Variants in SHANK1 observed in about 807,000 individuals in gnomAD.
The protein encoded by SHANK1 is SH3 and multiple ankyrin repeat domains protein 1.
A neutral mutation model predicts 165.6 loss-of-function variants in SHANK1; 35 were observed. The ratio of observed to expected loss-of-function variants is 0.21; its 90% confidence interval spans 0.16 to 0.28. The LOEUF is 0.28. SHANK1 is among the 10% of genes least tolerant of loss of function. The pLI, the probability that SHANK1 is intolerant of heterozygous loss-of-function variation, is 1.00. For synonymous variants in SHANK1, 1,428 were observed against 1,384.8 expected (o/e 1.03, Z -0.69); for missense variants, 2,681 against 3,036.4 (o/e 0.88, Z 2.75).
chr19:50,667,201 C>A lies in SHANK1; in HGVS notation c.4759G>T (p.Gly1587Trp). Residue 1587 changes from glycine to tryptophan, a missense_variant, in exon 23 of 24, where the codon GGG becomes TGG. Gly to Trp is a radical substitution (Grantham distance 184, BLOSUM62 -2). Around this residue, in one of 10 missense-constraint regions of SHANK1, gnomAD observed 1,713 missense variants for 1,630.2 expected, o/e 1.05. Transcript: ENST00000293441. This position sits in a 1 kb window ranked among gnomAD's most constrained non-coding sequence, Gnocchi z 5.7. ...GTGTCGGGCAGCGGGTGGGGAGGCC[C>A]AGGCGTGAGGGGCGACTCTGGCTTT... ...FEKPESPLTP[G>W]PPHPLPDTPA... The A allele has an allele frequency of 6.3e-7, 1 of 1,575,784 alleles. No individual in the cohort carries two copies. Among genetic ancestry groups the A allele is most frequent in the Non-Finnish European group, 8.6e-7 (1 of 1,168,436 alleles).
In SHANK1 at chr19:50,661,359, C is replaced by T. The variant is rs1345784543; in HGVS notation, c.*606G>A. On this transcript the variant is annotated 3_prime_UTR_variant, in exon 24 of 24. Transcript: ENST00000293441. The stretch of plus-strand genomic sequence containing the variant: ...AGTGTATTTGAGCGGGCCTCGCCAG[C>T]CAGAAGCAAAGGCAGAATGTGCAAG... Among the ~76,000 whole-genome samples the T allele has an allele frequency of 1.3e-5, 2 of 152,024 alleles. No individual in the cohort carries two copies. Among genetic ancestry groups the T allele is most frequent in the African/African-American group, 4.8e-5 (2 of 41,374 alleles).
chr19:50,687,062 A>G, intron 19 of SHANK1: 1 of 1,436,708 alleles, frequency 7.0e-7, no homozygotes, highest in South Asian at 1.6e-5. Context: ...GAGAGGCAGT[A>G]GAGGAGCCAA....
Position 50,687,919 on chromosome 19 carries a change from G to C in SHANK1, c.2308+4C>G. ...GGTGGCTGCGAGAGTGGCCGCAGGA[G>C]CACCTTTCTTGTGCACTGCCTCATC... On this transcript the variant is annotated splice_donor_region_variant and intron_variant, in intron 18 of 23. Transcript: ENST00000293441. The C allele has an allele frequency of 1.2e-6, 2 of 1,613,938 alleles. No homozygotes were observed. The highest frequency in any genetic ancestry group is 1.7e-6 in the Non-Finnish European group (2 of 1,179,920).
chr19:50,676,596 C>G (rs1985993158), intron 21 of SHANK1, among the ~76,000 whole-genome samples: 1 of 152,156 alleles, frequency 6.6e-6, no homozygotes, highest in East Asian at 1.9e-4. Context: ...GCTCCAAGGT[C>G]TCCTCTCTGG....
Position 50,697,037 on chromosome 19 carries a change from C to CA in SHANK1, c.1964+58_1964+59insT. The CA allele has an allele frequency of 2.1e-6, 3 of 1,455,992 alleles. No individual in the cohort carries two copies. Among genetic ancestry groups the CA allele is most frequent in the Middle Eastern group, 3.5e-4 (2 of 5,716 alleles). 90.2% of individuals were successfully genotyped at this position (1,455,992 alleles called of 1,614,324 possible). On this transcript the variant is annotated intron_variant, in intron 15 of 23. Transcript: ENST00000293441. This position sits in a 1 kb window ranked among gnomAD's most constrained non-coding sequence, Gnocchi z 4.7. ...GTCGTGCACACACGTTCACACGCCC[C>CA]CCAGGCACCCCGTCCTTCCCCTCCT... is the stretch of plus-strand genomic sequence containing the variant.
At chr19:50,687,232 C>T (rs1391152387) in intron 19 of SHANK1, among the ~76,000 whole-genome samples, 2 of 151,616 alleles carry the variant, frequency 1.3e-5, no homozygotes, top group Non-Finnish European at 2.9e-5. Flanking sequence ...GGCTCGCTTT[C>T]CTCTGTTATT....
Position 50,686,736 on chromosome 19 carries a change from C to G in SHANK1, c.2458+8G>C. The G allele has an allele frequency of 6.2e-7, 1 of 1,613,142 alleles. No individual in the cohort carries two copies. Among genetic ancestry groups the G allele is most frequent in the Non-Finnish European group, 8.5e-7 (1 of 1,179,442 alleles). Reference sequence around the variant, plus strand: ...GGCATCCCGAGGAGCAGGGCTGGGCCGTCTTACTGAGAGCCATCTGATACA... The same window carrying G: ...GGCATCCCGAGGAGCAGGGCTGGGCGGTCTTACTGAGAGCCATCTGATACA... On this transcript the variant is annotated splice_region_variant and intron_variant, in intron 20 of 23. Coordinates refer to ENST00000293441, the MANE Select transcript of SHANK1 (RefSeq NM_016148.5). This position sits in a 1 kb window ranked among gnomAD's most constrained non-coding sequence, Gnocchi z 5.7.
At chr19:50,681,127 C>G (rs940843608) in intron 21 of SHANK1, among the ~76,000 whole-genome samples, 7 of 151,902 alleles carry the variant, frequency 4.6e-5, no homozygotes, top group Admixed American at 4.6e-4. Context: ...ACACCGAGAA[C>G]AAGACCAGAC....
chr19:50,710,937 T>G (rs1293815225), intron 8 of SHANK1: 1 of 165,524 alleles, frequency 6.0e-6, no homozygotes, highest in Non-Finnish European at 1.3e-5. Context: ...TCTTTTCTAC[T>G]CCTGCTCATC....
At chr19:50,671,823 C>G (rs1985803674) in intron 22 of SHANK1, among the ~76,000 whole-genome samples, 195 bp downstream of exon 22, 1 of 152,166 alleles carries the variant, frequency 6.6e-6, no homozygotes, top group Non-Finnish European at 1.5e-5. Context: ...TGCCCCAGTT[C>G]ACACAGCTGG....
intron 8 of SHANK1, among the ~76,000 whole-genome samples, chr19:50,705,535 G>A (rs143158587): frequency 1.5e-3 from 225 of 152,284 alleles, no homozygotes; most frequent in Middle Eastern, 0.014. Flanking sequence ...GTTGGGGCCG[G>A]ATAATCCTTT....
intron 21 of SHANK1, among the ~76,000 whole-genome samples, chr19:50,682,098 C>T (rs1986199463): frequency 1.3e-5 from 2 of 151,804 alleles, no homozygotes; most frequent in Admixed American, 1.3e-4. Flanking sequence ...GCTCTACTGC[C>T]AGGCTGGAGT....
Position 50,697,012 on chromosome 19 carries a change from G to T in SHANK1, c.1964+84C>A. ...CACACACCAAGAAACCTCAGCTCTGGTCGTGCACACACGTTCACACGCCCC... is the reference window on the plus strand; with the variant it reads ...CACACACCAAGAAACCTCAGCTCTGTTCGTGCACACACGTTCACACGCCCC... On this transcript the variant is annotated intron_variant, in intron 15 of 23. Transcript: ENST00000293441. This position sits in a 1 kb window ranked among gnomAD's most constrained non-coding sequence, Gnocchi z 4.7. 1 of 1,128,712 alleles carries T rather than the reference G, an allele frequency of 8.9e-7. No individual in the cohort carries two copies. Among genetic ancestry groups the T allele is most frequent in the Non-Finnish European group, 1.4e-6 (1 of 739,618 alleles). The allele number at this position is 1,128,712 out of a possible 1,614,324, so 69.9% of individuals were successfully genotyped here.
At position 50,697,645 on chromosome 19, in the gene SHANK1, T is replaced by G. The variant is rs1421532653; in HGVS notation, c.1881A>C (p.Ala627=). Reference sequence around the variant, plus strand: ...CGGTATAATGCCGGAAGAGTCTCTTTGCCTTGTCACTGCGGCTTTCTGCAG... The same window carrying G: ...CGGTATAATGCCGGAAGAGTCTCTTGGCCTTGTCACTGCGGCTTTCTGCAG... ...ESKQESRSDK[A]KRLFRHYTVG... The change falls in exon 14 of 24, where the codon GCA becomes GCC. Residue 627 remains alanine, a synonymous_variant. Coordinates refer to ENST00000293441, the MANE Select transcript of SHANK1 (RefSeq NM_016148.5). This position sits in a 1 kb window ranked among gnomAD's most constrained non-coding sequence, Gnocchi z 4.7. 1 of 1,614,038 alleles carries G rather than the reference T, an allele frequency of 6.2e-7. No individual in the cohort carries two copies. Among genetic ancestry groups the G allele is most frequent in the Non-Finnish European group, 8.5e-7 (1 of 1,179,998 alleles).
At chr19:50,681,628 G>T (rs1025119313) in intron 21 of SHANK1, among the ~76,000 whole-genome samples, 1 of 152,084 alleles carries the variant, frequency 6.6e-6, no homozygotes, top group Admixed American at 6.6e-5. Flanking sequence ...ATGAAAACAG[G>T]ACTTGCTCTA....
Position 50,686,245 on chromosome 19 carries a change from C to T in SHANK1, c.2569G>A (p.Ala857Thr). Reference sequence around the variant, plus strand: ...CACACCAGGCCGCCTACCTCAGTGGCAAAGAAACCTTTGGGTCGGTGTTTG... The same window carrying T: ...CACACCAGGCCGCCTACCTCAGTGGTAAAGAAACCTTTGGGTCGGTGTTTG... ...LGKHRPKGFF[A>T]TESSFDPHHR... Residue 857 changes from alanine to threonine, a missense_variant, in exon 21 of 24, where the codon GCC becomes ACC. Physicochemically the swap from Ala to Thr is moderately conservative, Grantham distance 58. Coordinates refer to ENST00000293441, the MANE Select transcript of SHANK1 (RefSeq NM_016148.5). This position sits in a 1 kb window ranked among gnomAD's most constrained non-coding sequence, Gnocchi z 5.7. 6.3e-7 allele frequency: 1 copy of T among 1,595,592 alleles called. No homozygotes were observed. The highest frequency in any genetic ancestry group is 1.1e-5 in the South Asian group (1 of 88,404).
intron 21 of SHANK1, among the ~76,000 whole-genome samples, chr19:50,679,819 C>A (rs1283280376): frequency 1.3e-5 from 2 of 148,474 alleles, no homozygotes; most frequent in African/African-American, 5.0e-5. Context: ...CAGAGACAGA[C>A]GTAGAGAGAC....
Position 50,713,707 on chromosome 19 carries a change from A to T in SHANK1, c.792+91T>A. ...TGGGGACATGAGAGGGCCTATTTTT[A>T]ACTGAAACCAAAGAACTGAGGTTTG... On this transcript the variant is annotated intron_variant, in intron 6 of 23. Coordinates refer to ENST00000293441, the MANE Select transcript of SHANK1 (RefSeq NM_016148.5). This position sits in a 1 kb window ranked among gnomAD's most constrained non-coding sequence, Gnocchi z 6.2. The T allele has an allele frequency of 6.5e-7, 1 of 1,528,184 alleles. No individual in the cohort carries two copies. Among genetic ancestry groups the T allele is most frequent in the Non-Finnish European group, 8.9e-7 (1 of 1,123,178 alleles). The allele number at this position is 1,528,184 out of a possible 1,614,324, so 94.7% of individuals were successfully genotyped here. A position where few individuals can be genotyped will look rare whatever the true frequency, so the allele number is the denominator to read the frequency against.
At position 50,688,838 on chromosome 19, in the gene SHANK1, A is replaced by G; in HGVS notation, c.2172+6T>C. The G allele has an allele frequency of 6.2e-7, 1 of 1,607,484 alleles. No homozygotes were observed. The highest frequency in any genetic ancestry group is 1.1e-5 in the South Asian group (1 of 89,580). ...GTCCCAGGGAAGAGAGGGGGCCTGG[A>G]CTGACCTCGATGAGGAAGTCTCCCA... is the stretch of plus-strand genomic sequence containing the variant. On this transcript the variant is annotated splice_donor_region_variant and intron_variant, in intron 17 of 23. Coordinates refer to ENST00000293441, the MANE Select transcript of SHANK1 (RefSeq NM_016148.5). This position sits in a 1 kb window ranked among gnomAD's most constrained non-coding sequence, Gnocchi z 6.7.
Sources: allele counts gnomAD v4.1 joint callset (sites outside exome capture counted in the v4.1 genomes callset), GRCh38; gene constraint gnomAD v4.1.1; regional missense constraint gnomAD v4.1.1; non-coding constraint Gnocchi (gnomAD v3.1); transcripts MANE v1.5; gene names NCBI Gene and HGNC (gene_info 2026-07-23, HGNC 2026-07-21).